WDR70: variants seen among roughly 807,000 people sequenced by gnomAD.
WDR70 encodes WD repeat-containing protein 70.
Under a neutral mutation model 88.6 loss-of-function variants are expected in WDR70, and 53 were observed. The observed-to-expected ratio is 0.60, with a 90% CI of 0.48 to 0.75. WDR70 has a LOEUF of 0.75. Among genes scored for constraint, WDR70 ranks in the 30% least tolerant of loss-of-function variants. The probability of loss-of-function intolerance (pLI) is 0.00; values close to 1 mark genes in which losing one functional copy is unlikely to be tolerated. For missense variants in WDR70, 610 were observed against 823.2 expected, an observed-to-expected ratio of 0.74 and a Z score of 3.17; for synonymous variants, 280 against 270.0, an observed-to-expected ratio of 1.04 and a Z score of -0.36.
intron 9 of WDR70, among the ~76,000 whole-genome samples, chr5:37,517,877 T>C (rs540574429): frequency 2.7e-5 from 4 of 147,666 alleles, no homozygotes; most frequent in African/African-American, 9.8e-5. Flanking sequence ...TATTATATTA[T>C]ATATTATTTA....
rs1346529510 is a variant in WDR70 at position 37,424,166 on chromosome 5, A to C, written c.493-13756A>C. On this transcript the variant is annotated intron_variant, in intron 5 of 17. Transcript: ENST00000265107. ...TCCATCTCAAAAAAAAAAAAAAAAA[A>C]AAAAAACAAAGACAAAAAAAAATTA... Among the ~76,000 whole-genome samples the C allele has an allele frequency of 1.1e-3, 163 of 150,262 alleles. 1 individual carries two copies. The highest frequency in any genetic ancestry group is 3.9e-3 in the African/African-American group (159 of 41,130).
intron 3 of WDR70, among the ~76,000 whole-genome samples, chr5:37,382,658 C>T (rs1184904683): frequency 6.6e-6 from 1 of 152,146 alleles, no homozygotes; most frequent in African/African-American, 2.4e-5. Flanking sequence ...GATCTGCCTG[C>T]CTCCTAAAGT....
At chr5:37,472,426 C>T (rs1212445813) in intron 7 of WDR70, among the ~76,000 whole-genome samples, 1 of 151,906 alleles carries the variant, frequency 6.6e-6, no homozygotes, top group African/African-American at 2.4e-5. Context: ...ATGTTTATGA[C>T]ATTTATCCAT....
rs1244937705 is a variant in WDR70 at position 37,753,135 on chromosome 5, C to G, written c.*562C>G. ...AAGTCAGACTCATGTGGATTCAAGT[C>G]CTGGCTTTGCTCTTTACTTCTGGGT... On this transcript the variant is annotated 3_prime_UTR_variant, in exon 18 of 18. Coordinates refer to ENST00000265107, the MANE Select transcript of WDR70 (RefSeq NM_018034.4). 1 of 152,148 alleles carries G rather than the reference C, an allele frequency of 6.6e-6. No homozygotes were observed. 9.4% of individuals were successfully genotyped at this position (152,148 alleles called of 1,614,324 possible).
intron 5 of WDR70, among the ~76,000 whole-genome samples, chr5:37,415,403 G>A (rs1461933110): frequency 9.6e-6 from 1 of 103,960 alleles, no homozygotes; most frequent in African/African-American, 2.7e-5. Context: ...GGCTGGCCGG[G>A]CGGGGGGCTG....
chr5:37,391,627 TATGTGGATATAC>T (rs1748822528), intron 3 of WDR70, among the ~76,000 whole-genome samples: 1 of 152,264 alleles, frequency 6.6e-6, no homozygotes, highest in Non-Finnish European at 1.5e-5. Flanking sequence ...AATATTTCAT[TATGTGGATATAC>T]CACATTTTGC....
chr5:37,381,308 A>G (rs1748416390), intron 2 of WDR70, among the ~76,000 whole-genome samples: 1 of 152,220 alleles, frequency 6.6e-6, no homozygotes, highest in Non-Finnish European at 1.5e-5. Context: ...ATTATATTGC[A>G]AAGGGTAACT....
chr5:37,429,261 T>C (rs1420116982), intron 5 of WDR70, among the ~76,000 whole-genome samples: 3 of 152,250 alleles, frequency 2.0e-5, no homozygotes, highest in African/African-American at 7.2e-5. Context: ...TAGAAGTATT[T>C]TGTCACATAA....
At chr5:37,514,356 A>ATATATATATATATATATATATATATATG (rs771375976) in intron 8 of WDR70, among the ~76,000 whole-genome samples, 15 of 54,362 alleles carry the variant, frequency 2.8e-4, no homozygotes, top group Non-Finnish European at 4.7e-4. Flanking sequence ...ATATATATAT[A>ATATATATATATATATATATATATATATG]TATGTATGTA....
intron 7 of WDR70, among the ~76,000 whole-genome samples, chr5:37,446,502 A>G (rs1483504177): frequency 2.0e-5 from 3 of 152,174 alleles, no homozygotes; most frequent in South Asian, 4.1e-4. Context: ...AGCCAAAAGA[A>G]CAAAGCTGGA....
intron 6 of WDR70, among the ~76,000 whole-genome samples, chr5:37,438,866 C>T (rs1252961373): frequency 6.6e-6 from 1 of 150,818 alleles, no homozygotes; most frequent in Admixed American, 6.6e-5. Context: ...AATAGTGATA[C>T]ATATAACTCA....
At chr5:37,708,121 A>C (rs1158831793) in intron 13 of WDR70, among the ~76,000 whole-genome samples, 1 of 150,088 alleles carries the variant, frequency 6.7e-6, no homozygotes, top group Non-Finnish European at 1.5e-5. Context: ...AATAGTAAAG[A>C]ACAAGGATTA....
chr5:37,557,961 T>TGAAAACTCTTCAACA (rs1176435994), intron 9 of WDR70, among the ~76,000 whole-genome samples: 2 of 148,286 alleles, frequency 1.3e-5, no homozygotes, highest in African/African-American at 2.5e-5. Context: ...AAGAGTATTA[T>TGAAAACTCTTCAACA]GTATATTTAT....
chr5:37,449,435 T>C (rs1257322662), intron 7 of WDR70, among the ~76,000 whole-genome samples: 1 of 151,892 alleles, frequency 6.6e-6, no homozygotes, highest in Non-Finnish European at 1.5e-5. Context: ...GTACTAAAAA[T>C]ACAAAAATTA....
intron 17 of WDR70, among the ~76,000 whole-genome samples, chr5:37,745,226 T>G (rs1279635014): frequency 6.6e-6 from 1 of 152,078 alleles, no homozygotes; most frequent in Non-Finnish European, 1.5e-5. Context: ...AAGCAAATGC[T>G]GAGGGATTTT....
At chr5:37,389,905 T>C (rs1295809048) in intron 3 of WDR70, among the ~76,000 whole-genome samples, 1 of 152,196 alleles carries the variant, frequency 6.6e-6, no homozygotes, top group Non-Finnish European at 1.5e-5. Context: ...AAAGACTATG[T>C]AATTCCTTGT....
chr5:37,752,409 G>A, intron 17 of WDR70, 77 bp from the exon 18 acceptor site: 1 of 1,103,448 alleles, frequency 9.1e-7, no homozygotes, highest in Non-Finnish European at 1.3e-6. Flanking sequence ...GCTCCCACTT[G>A]ATGAAGGAAG....
chr5:37,589,891 C>T (rs1034360699), intron 9 of WDR70, among the ~76,000 whole-genome samples: 3 of 152,062 alleles, frequency 2.0e-5, no homozygotes, highest in East Asian at 1.9e-4. Flanking sequence ...CGTGAGCCAC[C>T]GTGCCTAACT....
At chr5:37,660,487 G>T (rs1324230343) in intron 10 of WDR70, among the ~76,000 whole-genome samples, 1 of 148,468 alleles carries the variant, frequency 6.7e-6, no homozygotes, top group Non-Finnish European at 1.5e-5. Context: ...CTCTCTTATT[G>T]GGTACATACA....
Sources: gnomAD v4.1 joint callset for allele counts (sites outside exome capture counted in the v4.1 genomes callset) on GRCh38, gnomAD v4.1.1 for gene constraint, MANE v1.5 for transcripts, NCBI Gene and HGNC (gene_info 2026-07-23, HGNC 2026-07-21) for gene names.